The following PTPN13 variants were observed in gnomAD, a reference collection of about 807,000 sequenced individuals.
The protein encoded by PTPN13 is tyrosine-protein phosphatase non-receptor type 13.
A neutral mutation model predicts 284.0 loss-of-function variants in PTPN13; 191 were observed. The ratio of observed to expected loss-of-function variants is 0.67; its 90% confidence interval spans 0.60 to 0.76. PTPN13 has a LOEUF of 0.76. Ranked by LOEUF, PTPN13 falls within the 30% of genes least tolerant of loss-of-function variation. The pLI is 0.00. For missense variants in PTPN13, 2,797 were observed against 2,939.9 expected, an observed-to-expected ratio of 0.95 and a Z score of 1.12; for synonymous variants, 986 against 1,022.3, an observed-to-expected ratio of 0.96 and a Z score of 0.68.
At chr4:86,777,152 TAA>T (rs1391149601) in intron 35 of PTPN13, among the ~76,000 whole-genome samples, 1 of 152,222 alleles carries the variant, frequency 6.6e-6, no homozygotes, top group Non-Finnish European at 1.5e-5. Context: ...TTTAGTGGCT[TAA>T]AACAACACAA....
intron 1 of PTPN13, among the ~76,000 whole-genome samples, chr4:86,616,316 G>A (rs1720534679): frequency 6.6e-6 from 1 of 152,116 alleles, no homozygotes; most frequent in Admixed American, 6.5e-5. Context: ...GGGTGATGCT[G>A]GTATTTTAGA....
chr4:86,599,021 A>G (rs535173943), intron 1 of PTPN13, among the ~76,000 whole-genome samples: 4 of 152,272 alleles, frequency 2.6e-5, no homozygotes, highest in African/African-American at 9.6e-5. Flanking sequence ...TTGGCCTCCC[A>G]AAGCACGGGG....
At position 86,807,574 on chromosome 4, in the gene PTPN13, G is replaced by A. The variant is rs751079099; in HGVS notation, c.6760G>A (p.Val2254Met). ...AAAATTCACAGATGATGCTACAAGA[G>A]TGCCTCTTGGAGATGAAGGTGGCTA... ...KNILPYDATR[V>M]PLGDEGGYIN... Residue 2254 changes from valine to methionine, a missense_variant, in exon 45 of 48, where the codon GTG becomes ATG. Val to Met is a conservative substitution (Grantham distance 21). Coordinates refer to ENST00000411767, the MANE Select transcript of PTPN13 (RefSeq NM_080683.3). 3 of 1,610,690 alleles carry A rather than the reference G, an allele frequency of 1.9e-6. No individual in the cohort carries two copies. In the South Asian group the frequency reaches 3.3e-5, roughly 18 times the overall value.
chr4:86,790,453 A>G (rs946051677), intron 40 of PTPN13, among the ~76,000 whole-genome samples: 1 of 152,138 alleles, frequency 6.6e-6, no homozygotes, highest in Non-Finnish European at 1.5e-5. Flanking sequence ...ATGGAGAGGA[A>G]AGGAGAAAAA....
At chr4:86,709,751 C>T (rs544730024) in intron 7 of PTPN13, among the ~76,000 whole-genome samples, 19 of 152,280 alleles carry the variant, frequency 1.2e-4, no homozygotes, top group Middle Eastern at 3.4e-3. Flanking sequence ...GTGAGCCTAG[C>T]CGATGTCACA....
chr4:86,624,347 A>G (rs1379827804), intron 1 of PTPN13, among the ~76,000 whole-genome samples: 1 of 152,116 alleles, frequency 6.6e-6, no homozygotes, highest in Non-Finnish European at 1.5e-5. Context: ...TCTCTGGCTC[A>G]AGGGACAGCC....
At chr4:86,705,050 A>G (rs1731580736) in intron 7 of PTPN13, among the ~76,000 whole-genome samples, 1 of 152,124 alleles carries the variant, frequency 6.6e-6, no homozygotes, top group African/African-American at 2.4e-5. Context: ...TATGTTGCAA[A>G]CAAGGCTGGG....
At chr4:86,650,356 G>C (rs912029326) in intron 2 of PTPN13, among the ~76,000 whole-genome samples, 2 of 152,038 alleles carry the variant, frequency 1.3e-5, no homozygotes, top group African/African-American at 4.8e-5. Context: ...CTGTCACCCA[G>C]GTTGGAGTGC....
At chr4:86,711,003 A>G (rs1732338964) in intron 7 of PTPN13, among the ~76,000 whole-genome samples, 1 of 151,642 alleles carries the variant, frequency 6.6e-6, no homozygotes, top group South Asian at 2.1e-4. Context: ...AGCTTACTGC[A>G]ACCTCTGCCT....
rs547963153 is a variant in PTPN13, at chr4:86,719,414, T to C, written c.1385+2297T>C. 2.8e-4 allele frequency among the ~76,000 whole-genome samples: 43 copies of C among 152,350 alleles called. No individual in the cohort carries two copies. The South Asian group carries it at 8.9e-3, about 32-fold the overall frequency. ...TTAGGTTGATTCCATTCTTTGCTAT[T>C]GTAAATAGTGCTGCCGTGAACATTC... On this transcript the variant is annotated intron_variant, in intron 9 of 47. Coordinates refer to ENST00000411767, the MANE Select transcript of PTPN13 (RefSeq NM_080683.3).
chr4:86,708,072 T>C (rs1731964835), intron 7 of PTPN13, among the ~76,000 whole-genome samples: 1 of 152,194 alleles, frequency 6.6e-6, no homozygotes, highest in African/African-American at 2.4e-5. Flanking sequence ...ATGGAGGAAA[T>C]AGTCTATATC....
chr4:86,697,668 T>C (rs1730716495), intron 6 of PTPN13, among the ~76,000 whole-genome samples: 2 of 152,156 alleles, frequency 1.3e-5, no homozygotes, highest in South Asian at 4.1e-4. Flanking sequence ...CGCATATTAG[T>C]AATATCATGT....
intron 46 of PTPN13, 127 bp downstream of exon 46, chr4:86,810,111 C>T (rs28631999): frequency 2.9e-6 from 2 of 679,378 alleles, no homozygotes; most frequent in Non-Finnish European, 4.7e-6. Flanking sequence ...TCATTTTCTT[C>T]TTATATTATT....
Position 86,814,485 on chromosome 4 carries a change from C to T in PTPN13, c.7392C>T (p.Ile2464=), listed in dbSNP as rs558143871. Residue 2464 remains isoleucine (I), a synonymous_variant, in exon 48 of 48, where the codon ATC becomes ATT. Transcript: ENST00000411767. The stretch of plus-strand genomic sequence containing the variant: ...AATATATTTTCTGCTATCAAGTCAT[C>T]CTTTATGTCCTGACACGTCTTCAAG... ...EDQYIFCYQV[I]LYVLTRLQAE... is the part of the protein sequence containing the mutation. The T allele has an allele frequency of 2.5e-6, 4 of 1,612,498 alleles. No homozygotes were observed. The highest frequency in any genetic ancestry group is 2.2e-5 in the East Asian group (1 of 44,786).
At chr4:86,732,354 T>C (rs983185026) in intron 10 of PTPN13, 46 bp from the exon 11 acceptor site, 1 of 1,401,350 alleles carries the variant, frequency 7.1e-7, no homozygotes, top group Admixed American at 2.5e-5. Context: ...AGGAAAAAAC[T>C]AGAATAAATA....
At chr4:86,619,739 G>A (rs904506492) in intron 1 of PTPN13, among the ~76,000 whole-genome samples, 2 of 151,924 alleles carry the variant, frequency 1.3e-5, no homozygotes, top group Admixed American at 6.6e-5. Context: ...CCTGCAATAA[G>A]CAAGTTCCTT....
At chr4:86,648,283 T>C (rs1724670017) in intron 2 of PTPN13, among the ~76,000 whole-genome samples, 1 of 152,178 alleles carries the variant, frequency 6.6e-6, no homozygotes, top group African/African-American at 2.4e-5. Context: ...TTGTTAATTG[T>C]AGTTGCCCTA....
intron 42 of PTPN13, among the ~76,000 whole-genome samples, chr4:86,802,145 TAG>T (rs142189234): frequency 0.041 from 5,972 of 143,934 alleles, 159 homozygotes; most frequent in East Asian, 0.074. Flanking sequence ...ATCAAGATTT[TAG>T]TGTGTGTGTG....
chr4:86,640,922 T>C (rs1265187599), intron 2 of PTPN13, among the ~76,000 whole-genome samples: 1 of 152,182 alleles, frequency 6.6e-6, no homozygotes, highest in Non-Finnish European at 1.5e-5. Flanking sequence ...ATTCACAGAG[T>C]ATTATCAGTA....
Sources: gnomAD v4.1 joint callset for allele counts (sites outside exome capture counted in the v4.1 genomes callset) on GRCh38, gnomAD v4.1.1 for gene constraint, MANE v1.5 for transcripts, NCBI Gene and HGNC (gene_info 2026-07-23, HGNC 2026-07-21) for gene names.